The following TENM2 variants were observed in gnomAD, a reference collection of about 807,000 sequenced individuals.
The protein encoded by TENM2 is teneurin-2.
In TENM2, 52 loss-of-function variants were observed where a neutral mutation model predicts 245.2. That is an observed-to-expected ratio of 0.21 (90% confidence interval 0.17 to 0.27). The LOEUF (loss-of-function observed/expected upper bound fraction) is 0.27, where lower values mean the gene tolerates loss of function less well. TENM2 is among the 10% of genes least tolerant of loss of function. The pLI is 1.00. For missense variants in TENM2, 3,046 were observed against 3,666.8 expected (o/e 0.83, Z 4.37); for synonymous variants, 1,363 against 1,438.9 (o/e 0.95, Z 1.19).
chr5:168,039,589 C>T lies in TENM2; in HGVS notation c.1187-7838C>T, dbSNP rs115988382. On this transcript the variant is annotated intron_variant, in intron 5 of 28. Transcript: ENST00000518659. ...ATTGCAGCAGGAACGGGGTGGTCTG[C>T]GGTGGGAAACGACACTCTGTGCGGC... is the stretch of plus-strand genomic sequence containing the variant. Among the ~76,000 whole-genome samples the T allele has an allele frequency of 4.3e-3, 660 of 152,060 alleles. 5 individuals carry two copies. Among genetic ancestry groups the T allele is most frequent in the African/African-American group, 0.015 (630 of 41,464 alleles).
chr5:167,586,609 A>G (rs1045993135), intron 2 of TENM2, among the ~76,000 whole-genome samples: 12 of 152,210 alleles, frequency 7.9e-5, no homozygotes, highest in Non-Finnish European at 2.9e-5. Context: ...GTGCAAACTC[A>G]TAATACCCAG....
intron 13 of TENM2, among the ~76,000 whole-genome samples, chr5:168,176,839 A>C (rs1189717703): frequency 6.6e-6 from 1 of 152,226 alleles, no homozygotes; most frequent in Non-Finnish European, 1.5e-5. Flanking sequence ...ATTTCAAAAA[A>C]CATGCATACA....
intron 2 of TENM2, among the ~76,000 whole-genome samples, chr5:167,496,263 G>A (rs1303773711): frequency 6.6e-6 from 1 of 152,056 alleles, no homozygotes; most frequent in East Asian, 1.9e-4. Context: ...ATCAGCAGCA[G>A]GAAGAAATGC....
the TENM2 span, among the ~76,000 whole-genome samples, chr5:167,221,488 A>G: frequency 6.6e-6 from 1 of 152,184 alleles, no homozygotes; most frequent in Non-Finnish European, 1.5e-5. Flanking sequence ...GAACCTGTGG[A>G]TGGCTGCTTT....
the TENM2 span, among the ~76,000 whole-genome samples, chr5:167,273,979 T>A: frequency 1.8e-4 from 27 of 152,126 alleles, no homozygotes; most frequent in African/African-American, 6.0e-4. Flanking sequence ...AGATATCCAA[T>A]GGGCAATGAC....
the TENM2 span, among the ~76,000 whole-genome samples, chr5:167,084,327 T>TTTTATATATATATATATATATATA: frequency 8.6e-5 from 2 of 23,170 alleles, no homozygotes; most frequent in Non-Finnish European, 2.5e-4. Context: ...GCCATTTTAG[T>TTTTATATATATATATATATATATA]TATATATATA....
At chr5:167,390,716 G>A (rs1581917240) in intron 2 of TENM2, among the ~76,000 whole-genome samples, 1 of 152,078 alleles carries the variant, frequency 6.6e-6, no homozygotes, top group South Asian at 2.1e-4. Flanking sequence ...TATATTCTGG[G>A]GCATTCCCTT....
intron 2 of TENM2, among the ~76,000 whole-genome samples, chr5:167,753,624 A>T (rs2150661441): frequency 6.6e-6 from 1 of 152,350 alleles, no homozygotes; most frequent in South Asian, 2.1e-4. Context: ...AAACTGAGGC[A>T]CAGTGTGGGT....
chr5:168,181,487 C>T (rs1261648034), intron 13 of TENM2, among the ~76,000 whole-genome samples: 2 of 152,048 alleles, frequency 1.3e-5, no homozygotes, highest in African/African-American at 4.8e-5. Context: ...CTCCTCTCTG[C>T]CAGATCTCTG....
the TENM2 span, among the ~76,000 whole-genome samples, chr5:167,020,454 A>G: frequency 2.0e-5 from 3 of 152,194 alleles, no homozygotes; most frequent in South Asian, 2.1e-4. Flanking sequence ...TTCTGCAACC[A>G]TTGGGCCTAC....
chr5:167,646,724 A>G (rs1424217459), intron 2 of TENM2, among the ~76,000 whole-genome samples: 3 of 152,174 alleles, frequency 2.0e-5, no homozygotes, highest in Non-Finnish European at 1.5e-5. Context: ...TTATCAAATG[A>G]AAAATAATAG....
chr5:168,187,255 AC>A (rs1760545006), intron 13 of TENM2: 1 of 152,302 alleles, frequency 6.6e-6, no homozygotes, highest in African/African-American at 2.4e-5. Flanking sequence ...TTTGAAGTTC[AC>A]AATTCTGAAG....
In TENM2 at chr5:168,067,391, T is replaced by G. The variant is rs1376031564; in HGVS notation, c.1515+5126T>G. 2.6e-5 allele frequency among the ~76,000 whole-genome samples: 4 copies of G among 152,180 alleles called. No homozygotes were observed. In the East Asian group the frequency reaches 5.8e-4, roughly 22 times the overall value. ...GTTTAAGAGACCACAAATTGTCCCA[T>G]GATCATACCAAATAAATGCAAATAT... On this transcript the variant is annotated intron_variant, in intron 7 of 28. Coordinates refer to ENST00000518659, the Ensembl canonical transcript of TENM2.
At chr5:167,800,372 G>C (rs777540974) in intron 2 of TENM2, among the ~76,000 whole-genome samples, 1 of 152,160 alleles carries the variant, frequency 6.6e-6, no homozygotes, top group Non-Finnish European at 1.5e-5. Flanking sequence ...CTGAGAAAAC[G>C]AATGGAAGTC....
intron 2 of TENM2, among the ~76,000 whole-genome samples, chr5:167,600,135 G>T (rs527799365): frequency 1.2e-3 from 48 of 39,232 alleles, no homozygotes; most frequent in Non-Finnish European, 2.6e-3. Flanking sequence ...TCTTCCCAAG[G>T]CTATTTTATT....
rs747283352 is a variant in TENM2, at chr5:167,711,522, G to T, written c.503-164464G>T. On this transcript the variant is annotated intron_variant, in intron 2 of 28. Transcript: ENST00000518659. Reference sequence around the variant, plus strand: ...TATTTCCAGCAATCTGCTTTACAGTGACTTCAGTCTCTTTGTCCCCTGGCC... The same window carrying T: ...TATTTCCAGCAATCTGCTTTACAGTTACTTCAGTCTCTTTGTCCCCTGGCC... 3.0e-4 allele frequency among the ~76,000 whole-genome samples: 45 copies of T among 151,348 alleles called. 1 individual carries two copies. The highest frequency in any genetic ancestry group is 3.4e-3 in the Middle Eastern group (1 of 294).
chr5:167,574,758 G>A (rs1774527368), intron 2 of TENM2, among the ~76,000 whole-genome samples: 1 of 152,114 alleles, frequency 6.6e-6, no homozygotes, highest in Admixed American at 6.5e-5. Flanking sequence ...TAATGGAGGG[G>A]CTGATTACCA....
At chr5:167,173,208 T>C in the TENM2 span, among the ~76,000 whole-genome samples, 1 of 152,202 alleles carries the variant, frequency 6.6e-6, no homozygotes, top group Non-Finnish European at 1.5e-5. Flanking sequence ...TGTGCTCTTT[T>C]TAAAACTATA....
At chr5:167,436,179 G>A (rs565994327) in intron 2 of TENM2, among the ~76,000 whole-genome samples, 4 of 151,038 alleles carry the variant, frequency 2.6e-5, no homozygotes, top group Non-Finnish European at 4.4e-5. Flanking sequence ...GGGTTTCACC[G>A]TGTTGGCCAG....
Sources: gnomAD v4.1 joint callset for allele counts (sites outside exome capture counted in the v4.1 genomes callset) on GRCh38, gnomAD v4.1.1 for gene constraint, MANE v1.5 for transcripts, NCBI Gene and HGNC (gene_info 2026-07-23, HGNC 2026-07-21) for gene names.